CLPTM1: variants seen among roughly 807,000 people sequenced by gnomAD.
CLPTM1 encodes the protein putative lipid scramblase CLPTM1.
In CLPTM1, 21 loss-of-function variants were observed where a neutral mutation model predicts 77.3. The ratio of observed to expected loss-of-function variants is 0.27; its 90% confidence interval spans 0.19 to 0.39. The LOEUF is 0.39. Ranked by LOEUF, CLPTM1 falls within the 10% of genes least tolerant of loss-of-function variation. CLPTM1 has a pLI of 1.00. For missense variants in CLPTM1, 642 were observed against 921.2 expected (o/e 0.70, Z 3.92); for synonymous variants, 373 against 381.0 (o/e 0.98, Z 0.24).
intron 4 of CLPTM1, among the ~76,000 whole-genome samples, chr19:44,976,900 C>T (rs942023709): frequency 2.0e-5 from 3 of 152,180 alleles, no homozygotes; most frequent in East Asian, 1.9e-4. Flanking sequence ...TGTGTTAACT[C>T]GTTAGATTAG....
At chr19:44,979,055 C>A (rs1240334721) in intron 5 of CLPTM1, among the ~76,000 whole-genome samples, 2 of 151,130 alleles carry the variant, frequency 1.3e-5, no homozygotes, top group Non-Finnish European at 2.9e-5. Context: ...TCTCAGCTCA[C>A]CACAATTTCC....
chr19:44,981,219 G>C (rs1294629726), intron 5 of CLPTM1, among the ~76,000 whole-genome samples: 1 of 151,830 alleles, frequency 6.6e-6, no homozygotes, highest in South Asian at 2.1e-4. Flanking sequence ...ATCTTGGCTC[G>C]CCACAGCCTC....
At chr19:44,981,367 C>T (rs1283865448) in intron 5 of CLPTM1, among the ~76,000 whole-genome samples, 1 of 151,500 alleles carries the variant, frequency 6.6e-6, no homozygotes. Flanking sequence ...TCTCGAACTC[C>T]CGACCTCAGG....
Position 44,992,173 on chromosome 19 carries a change from G to C in CLPTM1, c.1556-60G>C, listed in dbSNP as rs1175458306. 1 of 1,569,086 alleles carries C rather than the reference G, an allele frequency of 6.4e-7. No homozygotes were observed. The highest frequency in any genetic ancestry group is 1.3e-5 in the African/African-American group (1 of 74,202). ...TGAGGGGGCTGGTATGGCCAGTGCA[G>C]AGTGCACAGGGGAGAGGTGGGAGAG... On this transcript the variant is annotated intron_variant, in intron 12 of 13. Coordinates refer to ENST00000337392, the MANE Select transcript of CLPTM1 (RefSeq NM_001294.4). This position sits in a 1 kb window ranked among gnomAD's most constrained non-coding sequence, Gnocchi z 7.7.
At chr19:44,986,652 G>A in intron 7 of CLPTM1, 77 bp downstream of exon 7, 1 of 1,551,814 alleles carries the variant, frequency 6.4e-7, no homozygotes, top group Non-Finnish European at 8.7e-7. Context: ...GTCTTCTCCT[G>A]GCCCTGTCCC....
At chr19:44,968,100 A>G (rs1970663000) in intron 2 of CLPTM1, among the ~76,000 whole-genome samples, 1 of 152,132 alleles carries the variant, frequency 6.6e-6, no homozygotes, top group African/African-American at 2.4e-5. Flanking sequence ...GTCAGTGCAT[A>G]GGGAGCTTCC....
Position 44,992,584 on chromosome 19 carries a change from C to T in CLPTM1, c.1724-27C>T. 1 of 1,612,088 alleles carries T rather than the reference C, an allele frequency of 6.2e-7. No individual in the cohort carries two copies. The highest frequency in any genetic ancestry group is 8.5e-7 in the Non-Finnish European group (1 of 1,179,182). ...CTGGCTGTGGACGGGCCAGCCCGAC[C>T]TCACACTGCCTCCCACCCCTCTCCA... On this transcript the variant is annotated intron_variant, in intron 13 of 13. Coordinates refer to ENST00000337392, the MANE Select transcript of CLPTM1 (RefSeq NM_001294.4). This position sits in a 1 kb window ranked among gnomAD's most constrained non-coding sequence, Gnocchi z 7.7.
upstream of CLPTM1, chr19:44,955,198 C>T: frequency 4.6e-6 from 7 of 1,532,592 alleles, no homozygotes; most frequent in East Asian, 2.4e-5. Context: ...AACAAACGGG[C>T]TGGGAGAAAG....
intron 2 of CLPTM1, 108 bp downstream of exon 2, chr19:44,962,183 A>G: frequency 1.9e-6 from 1 of 522,474 alleles, no homozygotes; most frequent in East Asian, 3.6e-5. Flanking sequence ...ACTGTATGGT[A>G]GAGTTGCTTT....
chr19:44,955,334 T>A (rs1970442200), upstream of CLPTM1: 1 of 1,085,198 alleles, frequency 9.2e-7, no homozygotes, highest in Admixed American at 4.7e-5. Context: ...CTCGCGCGAT[T>A]GCGCTGCGAA....
chr19:44,990,990 C>CA lies in CLPTM1; in HGVS notation c.1419+45_1419+46insA, dbSNP rs397715478. On this transcript the variant is annotated intron_variant, in intron 11 of 13. Coordinates refer to ENST00000337392, the MANE Select transcript of CLPTM1 (RefSeq NM_001294.4). The surrounding 1 kb of genome is among the most constrained non-coding windows in gnomAD (Gnocchi z 4.8). ...GGCCCCTGGGGGTGGTCTCCAGGTA[C>CA]CACGTATCCCTGAGGCACCCGGGGC... The CA allele has an allele frequency of 1.5e-6, 2 of 1,346,974 alleles. No individual in the cohort carries two copies. The highest frequency in any genetic ancestry group is 2.6e-5 in the East Asian group (1 of 38,744). 83.4% of individuals were successfully genotyped at this position (1,346,974 alleles called of 1,614,324 possible).
chr19:44,991,197 G>T lies in CLPTM1; in HGVS notation c.1420-41G>T, dbSNP rs1239084813. 4 of 1,611,442 alleles carry T rather than the reference G, an allele frequency of 2.5e-6. No homozygotes were observed. Among genetic ancestry groups the T allele is most frequent in the Middle Eastern group, 1.7e-4 (1 of 5,782 alleles). On this transcript the variant is annotated intron_variant, in intron 11 of 13. Coordinates refer to ENST00000337392, the MANE Select transcript of CLPTM1 (RefSeq NM_001294.4). This position sits in a 1 kb window ranked among gnomAD's most constrained non-coding sequence, Gnocchi z 5.4. Reference sequence around the variant, plus strand: ...GCGGGGAGCAGGGCTGCCAGGCAGGGCTGAGGAGCTGGCTGACAGCCCCAC... The same window carrying T: ...GCGGGGAGCAGGGCTGCCAGGCAGGTCTGAGGAGCTGGCTGACAGCCCCAC...
intron 5 of CLPTM1, among the ~76,000 whole-genome samples, chr19:44,981,581 C>T (rs551280311): frequency 2.6e-5 from 4 of 151,478 alleles, no homozygotes; most frequent in South Asian, 2.1e-4. Context: ...AGCAACAAAG[C>T]GAGACCCTGT....
At chr19:44,964,994 G>C (rs1318486342) in intron 2 of CLPTM1, among the ~76,000 whole-genome samples, 5 of 152,092 alleles carry the variant, frequency 3.3e-5, no homozygotes, top group African/African-American at 1.2e-4. Flanking sequence ...GAATATGCTT[G>C]GCACTGGGTT....
chr19:44,959,732 G>C (rs1487111209), intron 1 of CLPTM1, among the ~76,000 whole-genome samples: 3 of 152,164 alleles, frequency 2.0e-5, no homozygotes, highest in Non-Finnish European at 2.9e-5. Flanking sequence ...CATATGACTT[G>C]TTCAATAACT....
At chr19:44,966,305 G>GGAGGCT (rs1367407997) in intron 2 of CLPTM1, among the ~76,000 whole-genome samples, 3 of 152,100 alleles carry the variant, frequency 2.0e-5, no homozygotes, top group Admixed American at 2.0e-4. Flanking sequence ...CAGCTACTCG[G>GGAGGCT]GAGGCTGAGG....
chr19:44,970,372 T>C (rs1043605098), intron 2 of CLPTM1, among the ~76,000 whole-genome samples: 4 of 143,816 alleles, frequency 2.8e-5, no homozygotes, highest in Non-Finnish European at 6.0e-5. Context: ...TCTGGTTACC[T>C]CATATGTTGT....
intron 2 of CLPTM1, 66 bp from the exon 3 acceptor site, chr19:44,973,021 G>T: frequency 6.3e-7 from 1 of 1,586,160 alleles, no homozygotes; most frequent in African/African-American, 1.4e-5. Flanking sequence ...TCAGAAGGAA[G>T]TCAGGCGGGT....
At position 44,990,360 on chromosome 19, in the gene CLPTM1, C is replaced by T. The variant is rs1971049976; in HGVS notation, c.1133-35C>T. On this transcript the variant is annotated intron_variant, in intron 9 of 13. Transcript: ENST00000337392. The surrounding 1 kb of genome is among the most constrained non-coding windows in gnomAD (Gnocchi z 4.8). Reference sequence around the variant, plus strand: ...CTGCAGTAGGGTCTCAGCACCTCCTCAGCCTCCTGGTTCCCCCCTACCCCC... The same window carrying T: ...CTGCAGTAGGGTCTCAGCACCTCCTTAGCCTCCTGGTTCCCCCCTACCCCC... The T allele has an allele frequency of 6.2e-7, 1 of 1,605,114 alleles. No individual in the cohort carries two copies. Among genetic ancestry groups the T allele is most frequent in the Non-Finnish European group, 8.5e-7 (1 of 1,173,644 alleles).
Sources: allele counts gnomAD v4.1 joint callset (sites outside exome capture counted in the v4.1 genomes callset), GRCh38; gene constraint gnomAD v4.1.1; non-coding constraint Gnocchi (gnomAD v3.1); transcripts MANE v1.5; gene names NCBI Gene and HGNC (gene_info 2026-07-23, HGNC 2026-07-21).